The following SCML4 variants were observed in gnomAD, a reference collection of about 807,000 sequenced individuals.
The protein encoded by SCML4 is sex comb on midleg-like protein 4.
In SCML4, 34 loss-of-function variants were observed where a neutral mutation model predicts 41.1. That is an observed-to-expected ratio of 0.83 (90% CI 0.63 to 1.10). The LOEUF is 1.10. SCML4 is among the 50% of genes least tolerant of loss of function. The probability of loss-of-function intolerance (pLI) is 0.00; values close to 1 mark genes in which losing one functional copy is unlikely to be tolerated. For missense variants in SCML4, 522 were observed against 534.1 expected, an observed-to-expected ratio of 0.98 and a Z score of 0.22; for synonymous variants, 214 against 220.9, an observed-to-expected ratio of 0.97 and a Z score of 0.28.
intron 1 of SCML4, among the ~76,000 whole-genome samples, chr6:107,791,095 A>T (rs1428187606): frequency 6.6e-6 from 1 of 151,752 alleles, no homozygotes; most frequent in Non-Finnish European, 1.5e-5. Context: ...GCACTGAACA[A>T]GCCCAGGGTC....
At chr6:107,739,571 T>C (rs1459322376) in intron 5 of SCML4, among the ~76,000 whole-genome samples, 1 of 152,074 alleles carries the variant, frequency 6.6e-6, no homozygotes, top group East Asian at 1.9e-4. Flanking sequence ...CCAGGCATTG[T>C]CCTGATGCAG....
chr6:107,813,371 T>TAAAAAAAAAAAA (rs1562284376), intron 1 of SCML4, among the ~76,000 whole-genome samples: 2 of 1,948 alleles, frequency 1.0e-3, no homozygotes, highest in African/African-American at 2.8e-3. Flanking sequence ...TCAAAAAAAT[T>TAAAAAAAAAAAA]ATATATATAT....
the SCML4 span, among the ~76,000 whole-genome samples, chr6:107,839,348 A>AGAAAGAAAGAAG: frequency 2.1e-5 from 1 of 47,524 alleles, no homozygotes; most frequent in African/African-American, 8.7e-5. Context: ...AGAAAAAGAA[A>AGAAAGAAAGAAG]GAAAGAAAGA....
At chr6:107,819,144 T>C (rs1239144410) in intron 1 of SCML4, among the ~76,000 whole-genome samples, 2 of 152,160 alleles carry the variant, frequency 1.3e-5, no homozygotes, top group African/African-American at 4.8e-5. Flanking sequence ...TAGTGCTCGG[T>C]TGGAAGGGAG....
chr6:107,733,576 T>A (rs1357790520), intron 5 of SCML4, among the ~76,000 whole-genome samples: 1 of 152,174 alleles, frequency 6.6e-6, no homozygotes, highest in African/African-American at 2.4e-5. Context: ...CAACAGATAA[T>A]GGTGTGAGTA....
chr6:107,807,203 C>A (rs1450731679), intron 1 of SCML4, among the ~76,000 whole-genome samples: 1 of 151,986 alleles, frequency 6.6e-6, no homozygotes, highest in Non-Finnish European at 1.5e-5. Flanking sequence ...GACCCTTTTA[C>A]AAAATGCTTT....
chr6:107,760,564 T>C (rs1779502404), intron 2 of SCML4, among the ~76,000 whole-genome samples: 1 of 152,188 alleles, frequency 6.6e-6, no homozygotes, highest in South Asian at 2.1e-4. Flanking sequence ...CCTCAGGCTA[T>C]GAATTTAATT....
chr6:107,728,240 C>T (rs577349718), intron 5 of SCML4, among the ~76,000 whole-genome samples: 71 of 152,262 alleles, frequency 4.7e-4, no homozygotes, highest in African/African-American at 1.6e-3. Flanking sequence ...AAAATACAGA[C>T]GCAGATGGCA....
At chr6:107,817,180 T>C (rs1784601031) in intron 1 of SCML4, among the ~76,000 whole-genome samples, 1 of 152,152 alleles carries the variant, frequency 6.6e-6, no homozygotes. Flanking sequence ...AGAAATATGA[T>C]TTCTAAACAA....
intron 1 of SCML4, among the ~76,000 whole-genome samples, chr6:107,787,775 G>A (rs1448478842): frequency 2.6e-5 from 4 of 152,318 alleles, no homozygotes; most frequent in East Asian, 3.9e-4. Context: ...CCAGTCTTGC[G>A]GGGGTGGGGT....
the SCML4 span, among the ~76,000 whole-genome samples, chr6:107,834,394 G>A: frequency 6.6e-6 from 1 of 152,184 alleles, no homozygotes; most frequent in Non-Finnish European, 1.5e-5. Flanking sequence ...CCTCAGCAGA[G>A]ATCCACAGCC....
chr6:107,826,070 C>T (rs1785244770), upstream of SCML4, among the ~76,000 whole-genome samples: 1 of 151,168 alleles, frequency 6.6e-6, no homozygotes, highest in East Asian at 1.9e-4. Flanking sequence ...ATGGTGAAAC[C>T]CCATCTCTAC....
At chr6:107,780,762 T>C (rs940510685) in intron 1 of SCML4, among the ~76,000 whole-genome samples, 4 of 150,772 alleles carry the variant, frequency 2.7e-5, no homozygotes, top group African/African-American at 7.3e-5. Context: ...TCGTCAGAGA[T>C]GACTGATTTC....
intron 5 of SCML4, among the ~76,000 whole-genome samples, chr6:107,726,532 C>CAAAAAAAAAAAAAA (rs59013088): frequency 2.2e-4 from 16 of 72,374 alleles, no homozygotes; most frequent in African/African-American, 7.0e-4. Context: ...GACTCCATCT[C>CAAAAAAAAAAAAAA]AAAAAAAAAA....
chr6:107,722,971 A>G (rs1418025514), intron 5 of SCML4, among the ~76,000 whole-genome samples: 3 of 152,206 alleles, frequency 2.0e-5, no homozygotes, highest in Admixed American at 6.5e-5. Context: ...GAAGAAATCA[A>G]TAAAACCAAA....
intron 1 of SCML4, among the ~76,000 whole-genome samples, chr6:107,773,531 G>T (rs1266969372): frequency 7.2e-6 from 1 of 139,760 alleles, no homozygotes; most frequent in Non-Finnish European, 1.5e-5. Flanking sequence ...GGCAGAGGTT[G>T]CAGTGAGCTG....
At chr6:107,829,502 A>G in the SCML4 span, among the ~76,000 whole-genome samples, 1 of 152,194 alleles carries the variant, frequency 6.6e-6, no homozygotes, top group Admixed American at 6.5e-5. Context: ...GTGATAATCA[A>G]AATTGGTGTG....
At chr6:107,774,793 G>A (rs1371441326) in intron 1 of SCML4, among the ~76,000 whole-genome samples, 2 of 151,922 alleles carry the variant, frequency 1.3e-5, no homozygotes, top group East Asian at 1.9e-4. Flanking sequence ...AGGCTGAGGC[G>A]GGCAGATCAC....
At chr6:107,708,619 T>C (rs1471779183) in intron 6 of SCML4, among the ~76,000 whole-genome samples, 2 of 152,182 alleles carry the variant, frequency 1.3e-5, no homozygotes, top group Non-Finnish European at 2.9e-5. Flanking sequence ...GTCCCCTCAC[T>C]CACTGCCCCA....
Sources: gnomAD v4.1 joint callset for allele counts (sites outside exome capture counted in the v4.1 genomes callset) on GRCh38, gnomAD v4.1.1 for gene constraint, MANE v1.5 for transcripts, NCBI Gene and HGNC (gene_info 2026-07-23, HGNC 2026-07-21) for gene names.